CIMAP2: variants seen among roughly 807,000 people sequenced by gnomAD.
CIMAP2 encodes the protein ciliary microtubule-associated protein 2.
At chr1:54,811,779 A>ACCCCCCCCCCCCCCCCCCCCCCCCCAC in the CIMAP2 span, 1 of 286,568 alleles carries the variant, frequency 3.5e-6, no homozygotes, top group Non-Finnish European at 6.9e-6. Context: ...CCATGCCCCC[A>ACCCCCCCCCCCCCCCCCCCCCCCCCAC]CCCCCGCCCC....
chr1:54,819,482 T>G, the CIMAP2 span, among the ~76,000 whole-genome samples: 1 of 152,232 alleles, frequency 6.6e-6, no homozygotes, highest in South Asian at 2.1e-4. Context: ...AATCCTCACC[T>G]TGGTCTCCCA....
the CIMAP2 span, among the ~76,000 whole-genome samples, chr1:54,838,400 T>G: frequency 4.6e-5 from 7 of 151,920 alleles, no homozygotes; most frequent in Non-Finnish European, 1.0e-4. Flanking sequence ...GGAGAATCAC[T>G]TGAATCCAGC....
At chr1:54,839,863 A>G in the CIMAP2 span, among the ~76,000 whole-genome samples, 2 of 151,910 alleles carry the variant, frequency 1.3e-5, no homozygotes, top group Admixed American at 1.3e-4. Context: ...CAATCCTCCC[A>G]CCTCAGGCTC....
At chr1:54,820,959 G>C in the CIMAP2 span, among the ~76,000 whole-genome samples, 2 of 152,044 alleles carry the variant, frequency 1.3e-5, no homozygotes, top group Non-Finnish European at 2.9e-5. Flanking sequence ...AGTAGAGACG[G>C]GGTTTCACCA....
At chr1:54,823,019 T>C in the CIMAP2 span, among the ~76,000 whole-genome samples, 4 of 152,210 alleles carry the variant, frequency 2.6e-5, no homozygotes, top group Admixed American at 6.5e-5. Flanking sequence ...GAATGTTCCA[T>C]GTATTGATGA....
At chr1:54,816,151 G>C in the CIMAP2 span, among the ~76,000 whole-genome samples, 1 of 152,216 alleles carries the variant, frequency 6.6e-6, no homozygotes, top group East Asian at 1.9e-4. Context: ...TGTGAGGTCC[G>C]GGTTCTGGTG....
the CIMAP2 span, among the ~76,000 whole-genome samples, chr1:54,826,860 G>A: frequency 2.0e-5 from 3 of 152,210 alleles, no homozygotes; most frequent in Non-Finnish European, 2.9e-5. Context: ...TACATTCAAC[G>A]TGTGGTTATC....
chr1:54,828,626 A>G, the CIMAP2 span, among the ~76,000 whole-genome samples: 1 of 152,130 alleles, frequency 6.6e-6, no homozygotes, highest in Non-Finnish European at 1.5e-5. Context: ...CACTGCACCC[A>G]GCCAAGATCC....
chr1:54,817,258 C>G, the CIMAP2 span: 4 of 1,219,674 alleles, frequency 3.3e-6, no homozygotes, highest in Non-Finnish European at 4.5e-6. Flanking sequence ...ACAGCAGAGG[C>G]AGTGGAGGGA....
chr1:54,826,858 A>G, the CIMAP2 span, among the ~76,000 whole-genome samples: 2 of 152,180 alleles, frequency 1.3e-5, no homozygotes, highest in Non-Finnish European at 2.9e-5. Context: ...GCTACATTCA[A>G]CGTGTGGTTA....
chr1:54,830,594 T>C, the CIMAP2 span, among the ~76,000 whole-genome samples: 1 of 152,184 alleles, frequency 6.6e-6, no homozygotes, highest in Non-Finnish European at 1.5e-5. This position sits in a 1 kb window ranked among gnomAD's most constrained non-coding sequence, Gnocchi z 4.1. Context: ...AGAATCTATC[T>C]CCAGAGAATA....
chr1:54,831,939 C>T, the CIMAP2 span, among the ~76,000 whole-genome samples: 189 of 152,312 alleles, frequency 1.2e-3, 1 homozygote, highest in African/African-American at 3.8e-3. Context: ...CTTGACCTCC[C>T]GGCCTCGAGC....
chr1:54,838,438 C>T, the CIMAP2 span, among the ~76,000 whole-genome samples: 6 of 151,542 alleles, frequency 4.0e-5, no homozygotes, highest in Non-Finnish European at 8.8e-5. Context: ...GCTGAGATCC[C>T]GCCACTGCAC....
the CIMAP2 span, chr1:54,817,262 G>A: frequency 1.1e-4 from 135 of 1,196,096 alleles, no homozygotes; most frequent in African/African-American, 1.9e-3. Context: ...CAGAGGCAGT[G>A]GAGGGACGTT....
the CIMAP2 span, chr1:54,811,765 G>GGGGGGGGGGGGGGGGGCCCCCCCCCCC: frequency 7.7e-7 from 1 of 1,301,332 alleles, no homozygotes; most frequent in Middle Eastern, 2.3e-4. Flanking sequence ...GGTTCTGACA[G>GGGGGGGGGGGGGGGGGCCCCCCCCCCC]CCTCCATGCC....
At chr1:54,825,659 C>A in the CIMAP2 span, among the ~76,000 whole-genome samples, 9 of 151,946 alleles carry the variant, frequency 5.9e-5, 1 homozygote, top group East Asian at 1.5e-3. Flanking sequence ...CAGGTCTGGG[C>A]GGGCTGGTCC....
At chr1:54,807,605 G>C in the CIMAP2 span, 1 of 1,609,458 alleles carries the variant, frequency 6.2e-7, no homozygotes, top group African/African-American at 1.3e-5. Context: ...GTGGACACAG[G>C]CTGGGCCAAG....
chr1:54,828,228 A>T, the CIMAP2 span, among the ~76,000 whole-genome samples: 1 of 152,258 alleles, frequency 6.6e-6, no homozygotes, highest in Non-Finnish European at 1.5e-5. Context: ...TAGAGCTAGG[A>T]AGGCAAAAAC....
the CIMAP2 span, among the ~76,000 whole-genome samples, chr1:54,812,575 T>C: frequency 6.6e-6 from 1 of 152,210 alleles, no homozygotes; most frequent in African/African-American, 2.4e-5. Flanking sequence ...GCAGGCATTA[T>C]AGACCAAGCT....
Sources: allele counts gnomAD v4.1 joint callset (sites outside exome capture counted in the v4.1 genomes callset), GRCh38; gene constraint gnomAD v4.1.1; non-coding constraint Gnocchi (gnomAD v3.1); transcripts MANE v1.5; gene names NCBI Gene and HGNC (gene_info 2026-07-23, HGNC 2026-07-21).